Variants in CYB561 observed in about 807,000 individuals in gnomAD.
The protein encoded by CYB561 is transmembrane ascorbate-dependent reductase CYB561.
A neutral mutation model predicts 25.3 loss-of-function variants in CYB561; 11 were observed. The ratio of observed to expected loss-of-function variants is 0.44; its 90% CI spans 0.27 to 0.72. The LOEUF is 0.72. Among genes scored for constraint, CYB561 ranks in the 30% least tolerant of loss-of-function variants. The probability of loss-of-function intolerance (pLI) is 0.18; values close to 1 mark genes in which losing one functional copy is unlikely to be tolerated. For missense variants in CYB561, 295 were observed against 334.9 expected, an observed-to-expected ratio of 0.88 and a Z score of 0.93; for synonymous variants, 165 against 158.8, an observed-to-expected ratio of 1.04 and a Z score of -0.29.
At chr17:63,437,981 C>A in intron 1 of CYB561, 1 of 774,044 alleles carries the variant, frequency 1.3e-6, no homozygotes, top group Non-Finnish European at 1.9e-6. Context: ...CCCCGCCACC[C>A]TCCCCCGAGG....
At chr17:63,437,990 G>A (rs2049330765) in intron 1 of CYB561, 3 of 348,582 alleles carry the variant, frequency 8.6e-6, no homozygotes, top group Non-Finnish European at 1.4e-5. Context: ...CCTCCCCCGA[G>A]GCTCCCGCTG....
intron 1 of CYB561, among the ~76,000 whole-genome samples, chr17:63,444,053 G>C (rs906677464): frequency 1.3e-5 from 2 of 151,478 alleles, no homozygotes; most frequent in Admixed American, 6.6e-5. Context: ...GCAAGATCTC[G>C]GGTCACCGCA....
In CYB561 at chr17:63,443,615, C is replaced by T. The variant is rs183952950; in HGVS notation, c.-14+2630G>A. 2.0e-5 allele frequency among the ~76,000 whole-genome samples: 3 copies of T among 152,178 alleles called. No individual in the cohort carries two copies. The East Asian group carries it at 5.8e-4, about 29-fold the overall frequency. Reference sequence around the variant, plus strand: ...AGGAAAATGTTGCAATTTTTTAAAACTTATTTTAATTAATTTTTTTGTTGT... The same window carrying T: ...AGGAAAATGTTGCAATTTTTTAAAATTTATTTTAATTAATTTTTTTGTTGT... On this transcript the variant is annotated intron_variant, in intron 1 of 5. Coordinates refer to ENST00000360793, the MANE Select transcript of CYB561 (RefSeq NM_001915.4).
chr17:63,433,487 G>C lies in CYB561; in HGVS notation c.*915C>G. On this transcript the variant is annotated 3_prime_UTR_variant, in exon 6 of 6. Transcript: ENST00000360793. Reference sequence around the variant, plus strand: ...AGAGGCAGCAGCTCCAGCAGCCCCAGGGGGCTCTAGCCACAGCCAGCAGCA... The same window carrying C: ...AGAGGCAGCAGCTCCAGCAGCCCCACGGGGCTCTAGCCACAGCCAGCAGCA... The C allele has an allele frequency of 2.5e-6, 1 of 398,472 alleles. No homozygotes were observed. The allele number at this position is 398,472 out of a possible 1,614,324, so 24.7% of individuals were successfully genotyped here.
chr17:63,434,394 C>A lies in CYB561; in HGVS notation c.*8G>T. On this transcript the variant is annotated 3_prime_UTR_variant, in exon 6 of 6. Transcript: ENST00000360793. The stretch of plus-strand genomic sequence containing the variant: ...CACCCCGCGAACCCCCAGGGCCGGC[C>A]GGGCGCATCACTGGGAGCCGGGGCT... 6.5e-7 allele frequency: 1 copy of A among 1,546,472 alleles called. No homozygotes were observed. The highest frequency in any genetic ancestry group is 8.8e-7 in the Non-Finnish European group (1 of 1,141,820).
chr17:63,437,491 G>A lies in CYB561; in HGVS notation c.57C>T (p.Phe19=). 6.2e-7 allele frequency: 1 copy of A among 1,613,748 alleles called. No homozygotes were observed. Residue 19 remains phenylalanine, a synonymous_variant, in exon 2 of 6, where the codon TTC becomes TTT. Coordinates refer to ENST00000360793, the MANE Select transcript of CYB561 (RefSeq NM_001915.4). ...TPTALPYYVA[F]SQLLGLTLVA... ...CCAAGGTCAGGCCCAGCAGCTGGGA[G>A]AAGGCCACGTAGTAAGGCAGTGCTG...
At chr17:63,444,646 T>A (rs2049406281) in intron 1 of CYB561, among the ~76,000 whole-genome samples, 1 of 152,176 alleles carries the variant, frequency 6.6e-6, no homozygotes, top group South Asian at 2.1e-4. Flanking sequence ...AAGCAGAAGC[T>A]CCTGGGGCTG....
chr17:63,440,237 C>T, intron 1 of CYB561: 1 of 398,846 alleles, frequency 2.5e-6, no homozygotes, highest in Non-Finnish European at 4.4e-6. Flanking sequence ...CCCAAGTCAC[C>T]TTCTCTCCCA....
rs544438693 is a variant in CYB561, at chr17:63,432,593, C to CAA, written c.*1807_*1808dup. Reference sequence around the variant, plus strand: ...TCCCACATGTAAACATTTCACTATACAAGTGTGTGCCAGCTGATTGAAGAA... The same window carrying CAA: ...TCCCACATGTAAACATTTCACTATACAAAAGTGTGTGCCAGCTGATTGAAGAA... On this transcript the variant is annotated 3_prime_UTR_variant, in exon 6 of 6. Coordinates refer to ENST00000360793, the MANE Select transcript of CYB561 (RefSeq NM_001915.4). 65 of 152,370 alleles carry CAA rather than the reference C, an allele frequency of 4.3e-4. No homozygotes were observed. Among genetic ancestry groups the CAA allele is most frequent in the African/African-American group, 1.4e-3 (60 of 41,576 alleles). The allele number at this position is 152,370 out of a possible 1,614,324, so 9.4% of individuals were successfully genotyped here. A position where few individuals can be genotyped will look rare whatever the true frequency, so the allele number is the denominator to read the frequency against.
intron 1 of CYB561, chr17:63,438,053 G>C (rs951434991): frequency 6.6e-7 from 1 of 1,519,634 alleles, no homozygotes; most frequent in Non-Finnish European, 8.8e-7. Flanking sequence ...ATCGTCCTGA[G>C]GCAGAGGTCT....
intron 1 of CYB561, among the ~76,000 whole-genome samples, chr17:63,442,146 T>A (rs1008622825): frequency 6.6e-6 from 1 of 152,182 alleles, no homozygotes; most frequent in Non-Finnish European, 1.5e-5. Flanking sequence ...GGAAAGCCCA[T>A]GGCTGGCCTG....
chr17:63,438,831 G>A (rs2049345344), intron 1 of CYB561, among the ~76,000 whole-genome samples: 1 of 152,238 alleles, frequency 6.6e-6, no homozygotes, highest in Non-Finnish European at 1.5e-5. Flanking sequence ...GCACCCAGCA[G>A]CTGGGGATGG....
intron 1 of CYB561, among the ~76,000 whole-genome samples, chr17:63,443,634 T>G (rs2049397152): frequency 6.6e-6 from 1 of 152,210 alleles, no homozygotes; most frequent in South Asian, 2.1e-4. Context: ...ATTAATTTTT[T>G]TGTTGTTGTT....
chr17:63,443,148 G>T (rs150638303), intron 1 of CYB561, among the ~76,000 whole-genome samples: 1 of 152,306 alleles, frequency 6.6e-6, no homozygotes, highest in African/African-American at 2.4e-5. Flanking sequence ...GCAAAGTGTG[G>T]TGTGAGCTAT....
Position 63,436,460 on chromosome 17 carries a change from T to G in CYB561, c.203-308A>C. 1 of 302,446 alleles carries G rather than the reference T, an allele frequency of 3.3e-6. No individual in the cohort carries two copies. The highest frequency in any genetic ancestry group is 6.3e-6 in the Non-Finnish European group (1 of 159,404). 18.7% of individuals were successfully genotyped at this position (302,446 alleles called of 1,614,324 possible). A position where few individuals can be genotyped will look rare whatever the true frequency, so the allele number is the denominator to read the frequency against. On this transcript the variant is annotated intron_variant, in intron 2 of 5. Transcript: ENST00000360793. The surrounding 1 kb of genome is among the most constrained non-coding windows in gnomAD (Gnocchi z 4.8). Reference sequence around the variant, plus strand: ...CAGTCCCCACCACCAGGACAGGCAGTGAAGGCAGCGCCTCTGCCCTCGTCC... The same window carrying G: ...CAGTCCCCACCACCAGGACAGGCAGGGAAGGCAGCGCCTCTGCCCTCGTCC...
At chr17:63,439,753 G>GT (rs1423459674) in intron 1 of CYB561, among the ~76,000 whole-genome samples, 39 of 152,150 alleles carry the variant, frequency 2.6e-4, no homozygotes, top group Non-Finnish European at 5.3e-4. Flanking sequence ...TGAGGGCGTA[G>GT]CACACATGGA....
At chr17:63,438,512 C>A (rs749064720) in intron 1 of CYB561, among the ~76,000 whole-genome samples, 1 of 142,878 alleles carries the variant, frequency 7.0e-6, no homozygotes, top group East Asian at 2.3e-4. Context: ...AGTAGAAGTG[C>A]CCCGACCATG....
chr17:63,436,037 C>T lies in CYB561; in HGVS notation c.301+17G>A, dbSNP rs774402444. On this transcript the variant is annotated intron_variant, in intron 3 of 5. Coordinates refer to ENST00000360793, the MANE Select transcript of CYB561 (RefSeq NM_001915.4). The surrounding 1 kb of genome is among the most constrained non-coding windows in gnomAD (Gnocchi z 4.8). ...GAGGCAGGCAGGTGGCGGGGAAGGCCGCGCCCGGGAACTCACCAACCAGGG... is the reference window on the plus strand; with the variant it reads ...GAGGCAGGCAGGTGGCGGGGAAGGCTGCGCCCGGGAACTCACCAACCAGGG... 2.5e-6 allele frequency: 4 copies of T among 1,613,908 alleles called. No homozygotes were observed. In the South Asian group the frequency reaches 3.3e-5, roughly 13 times the overall value.
rs2049258225 is a variant in CYB561 at position 63,433,570 on chromosome 17, G to A, written c.*832C>T. 1.3e-5 allele frequency: 5 copies of A among 387,498 alleles called. No homozygotes were observed. In the South Asian group the frequency reaches 7.2e-4, roughly 56 times the overall value. The allele number at this position is 387,498 out of a possible 1,614,324, so 24.0% of individuals were successfully genotyped here. On this transcript the variant is annotated 3_prime_UTR_variant, in exon 6 of 6. Coordinates refer to ENST00000360793, the MANE Select transcript of CYB561 (RefSeq NM_001915.4). ...TGCCCTCTGCCTCCCAGCCTGAGCA[G>A]AGCCTGGGTGAGCCTGGGAGAGGAA...
Sources: allele counts gnomAD v4.1 joint callset (sites outside exome capture counted in the v4.1 genomes callset), GRCh38; gene constraint gnomAD v4.1.1; non-coding constraint Gnocchi (gnomAD v3.1); transcripts MANE v1.5; gene names NCBI Gene and HGNC (gene_info 2026-07-23, HGNC 2026-07-21).